UNC13A: variants seen among roughly 807,000 people sequenced by gnomAD.
The protein encoded by UNC13A is protein unc-13 homolog A.
A neutral mutation model predicts 219.7 loss-of-function variants in UNC13A; 61 were observed. The observed-to-expected ratio is 0.28, with a 90% CI of 0.23 to 0.34. UNC13A has a LOEUF of 0.34. Ranked by LOEUF, UNC13A falls within the 10% of genes least tolerant of loss-of-function variation. The pLI is 1.00. For synonymous variants in UNC13A, 920 were observed against 884.6 expected (o/e 1.04, Z -0.71); for missense variants, 1,476 against 2,270.3 (o/e 0.65, Z 7.11).
At position 17,624,781 on chromosome 19, in the gene UNC13A, G is replaced by A. The variant is rs746885963; in HGVS notation, c.4197+48C>T. 7.0e-6 allele frequency: 11 copies of A among 1,576,788 alleles called. No homozygotes were observed. The highest frequency in any genetic ancestry group is 2.7e-5 in the African/African-American group (2 of 73,844). ...TAGGCACCAAGTTTTCTGGGCTCTC[G>A]CCAGGGAGGTGGCCTAAATGTCCCC... is the stretch of plus-strand genomic sequence containing the variant. On this transcript the variant is annotated intron_variant, in intron 35 of 43. Coordinates refer to ENST00000519716, the MANE Select transcript of UNC13A (RefSeq NM_001080421.3).
At chr19:17,621,083 C>T (rs1043831062) in intron 37 of UNC13A, among the ~76,000 whole-genome samples, 1 of 152,124 alleles carries the variant, frequency 6.6e-6, no homozygotes, top group African/African-American at 2.4e-5. Flanking sequence ...TATCCCAGCA[C>T]CCAAGTCTAC....
Position 17,631,676 on chromosome 19 carries a change from G to C in UNC13A, c.3429-926C>G, listed in dbSNP as rs147975348. On this transcript the variant is annotated intron_variant, in intron 28 of 43. Coordinates refer to ENST00000519716, the MANE Select transcript of UNC13A (RefSeq NM_001080421.3). ...TCAGATGTCCCGAGTTCAAATCTCGGGTCTGTCATGTACTGGGAGTCACCG... is the reference window on the plus strand; with the variant it reads ...TCAGATGTCCCGAGTTCAAATCTCGCGTCTGTCATGTACTGGGAGTCACCG... Among the ~76,000 whole-genome samples, 664 of 152,238 alleles carry C rather than the reference G, an allele frequency of 4.4e-3. 3 individuals carry two copies. The highest frequency in any genetic ancestry group is 0.024 in the Middle Eastern group (7 of 294).
chr19:17,656,988 C>G (rs1951032026), intron 9 of UNC13A, among the ~76,000 whole-genome samples: 1 of 152,132 alleles, frequency 6.6e-6, no homozygotes, highest in Non-Finnish European at 1.5e-5. Flanking sequence ...TGTCCTCCAC[C>G]TGGAAAAAGT....
intron 41 of UNC13A, chr19:17,616,368 C>A: frequency 1.5e-6 from 1 of 687,606 alleles, no homozygotes; most frequent in South Asian, 1.5e-5. Flanking sequence ...AGGCACCGGG[C>A]ACCAGGCGCG....
intron 34 of UNC13A, among the ~76,000 whole-genome samples, chr19:17,625,693 A>C (rs747881334): frequency 6.6e-5 from 10 of 151,276 alleles, no homozygotes; most frequent in Non-Finnish European, 1.2e-4. Flanking sequence ...CTCACCTATT[A>C]ATCCATCCAT....
Position 17,646,147 on chromosome 19 carries a change from C to T in UNC13A, c.2045-36G>A, listed in dbSNP as rs750785063. ...CAGAGGGCATACACAGGTGTGCACT[C>T]AAGAAGCGAGGCATGCTGGGGACAG... On this transcript the variant is annotated intron_variant, in intron 17 of 43. Coordinates refer to ENST00000519716, the MANE Select transcript of UNC13A (RefSeq NM_001080421.3). 4.3e-6 allele frequency: 7 copies of T among 1,609,504 alleles called. No individual in the cohort carries two copies. In the South Asian group the frequency reaches 7.7e-5, roughly 18 times the overall value.
intron 8 of UNC13A, among the ~76,000 whole-genome samples, chr19:17,658,476 T>C (rs1181511903): frequency 6.6e-6 from 1 of 152,148 alleles, no homozygotes; most frequent in Non-Finnish European, 1.5e-5. Flanking sequence ...GTGGGTCAAA[T>C]TGGACCTAAA....
chr19:17,629,715 A>G (rs1453082484), intron 30 of UNC13A, among the ~76,000 whole-genome samples: 1 of 151,984 alleles, frequency 6.6e-6, no homozygotes. Flanking sequence ...GACTCACTCA[A>G]ATTGTGCATC....
At chr19:17,607,086 C>T (rs2076539737) in intron 43 of UNC13A, among the ~76,000 whole-genome samples, 1 of 152,086 alleles carries the variant, frequency 6.6e-6, no homozygotes, top group African/African-American at 2.4e-5. Context: ...CATGCTTCTC[C>T]TCCTGAGTAT....
chr19:17,671,587 A>G (rs1443259819), intron 4 of UNC13A, among the ~76,000 whole-genome samples: 1 of 152,002 alleles, frequency 6.6e-6, no homozygotes, highest in African/African-American at 2.4e-5. Flanking sequence ...CCTGGGCAAC[A>G]TGGCAAAACC....
At chr19:17,676,344 C>T (rs1197222654) in intron 1 of UNC13A, among the ~76,000 whole-genome samples, 1 of 151,828 alleles carries the variant, frequency 6.6e-6, no homozygotes, top group Non-Finnish European at 1.5e-5. Context: ...AAATTTGGAC[C>T]CTGAGAGCAT....
chr19:17,604,801 G>A lies in UNC13A; in HGVS notation c.*1253C>T, dbSNP rs1289949219. ...ATCTGAGGTATCCTGTGGCTTGGGT[G>A]TTTGAATCAATGAATAGGCTCTTGG... On this transcript the variant is annotated 3_prime_UTR_variant, in exon 44 of 44. Coordinates refer to ENST00000519716, the MANE Select transcript of UNC13A (RefSeq NM_001080421.3). 1.3e-5 allele frequency: 2 copies of A among 152,274 alleles called. No homozygotes were observed. Among genetic ancestry groups the A allele is most frequent in the Non-Finnish European group, 2.9e-5 (2 of 68,066 alleles). The allele number at this position is 152,274 out of a possible 1,614,324, so 9.4% of individuals were successfully genotyped here. A position where few individuals can be genotyped will look rare whatever the true frequency, so the allele number is the denominator to read the frequency against.
chr19:17,667,964 C>T (rs561743279), intron 6 of UNC13A, among the ~76,000 whole-genome samples, 153 bp downstream of exon 6: 1 of 152,044 alleles, frequency 6.6e-6, no homozygotes, highest in East Asian at 1.9e-4. Context: ...GACTGGACCA[C>T]ATGGGTCATG....
chr19:17,631,590 C>T (rs920242230), intron 28 of UNC13A, among the ~76,000 whole-genome samples: 27 of 152,154 alleles, frequency 1.8e-4, no homozygotes, highest in African/African-American at 5.8e-4. Flanking sequence ...GAGCAGAGAA[C>T]GACACCACAA....
chr19:17,610,392 G>C (rs1414432325), intron 42 of UNC13A, among the ~76,000 whole-genome samples: 1 of 152,118 alleles, frequency 6.6e-6, no homozygotes, highest in African/African-American at 2.4e-5. Context: ...CTTGAGCCTG[G>C]GTGGCGGCAG....
intron 1 of UNC13A, among the ~76,000 whole-genome samples, chr19:17,681,736 C>A (rs964941526): frequency 6.6e-6 from 1 of 152,132 alleles, no homozygotes; most frequent in Non-Finnish European, 1.5e-5. Flanking sequence ...AAGAGCTGTC[C>A]CCCAGAGGCG....
At chr19:17,635,910 C>T in intron 26 of UNC13A, 114 bp downstream of exon 26, 2 of 1,318,538 alleles carry the variant, frequency 1.5e-6, no homozygotes. Flanking sequence ...CCACAATTAC[C>T]CCCAGGTGCA....
intron 1 of UNC13A, among the ~76,000 whole-genome samples, chr19:17,683,716 G>T (rs533525337): frequency 6.6e-6 from 1 of 152,160 alleles, no homozygotes; most frequent in South Asian, 2.1e-4. Context: ...TGATATTATT[G>T]TAAGTTGTGA....
chr19:17,683,953 G>A (rs570963600), intron 1 of UNC13A, among the ~76,000 whole-genome samples: 75 of 151,188 alleles, frequency 5.0e-4, no homozygotes, highest in African/African-American at 1.8e-3. Flanking sequence ...AAAGTCAGCC[G>A]GGTGTGGTGG....
Sources: gnomAD v4.1 joint callset for allele counts (sites outside exome capture counted in the v4.1 genomes callset) on GRCh38, gnomAD v4.1.1 for gene constraint, MANE v1.5 for transcripts, NCBI Gene and HGNC (gene_info 2026-07-23, HGNC 2026-07-21) for gene names.